Variants in LRP8 observed in about 807,000 individuals in gnomAD.
LRP8 encodes the protein low-density lipoprotein receptor-related protein 8.
LRP8 carries 46 observed loss-of-function variants against 111.6 expected under a neutral mutation model. The ratio of observed to expected loss-of-function variants is 0.41; its 90% CI spans 0.33 to 0.53. LRP8 has a LOEUF of 0.53. Among genes scored for constraint, LRP8 ranks in the 20% least tolerant of loss-of-function variants. The probability of loss-of-function intolerance (pLI) is 0.20; values close to 1 mark genes in which losing one functional copy is unlikely to be tolerated. For synonymous variants in LRP8, 464 were observed against 511.2 expected, an observed-to-expected ratio of 0.91 and a Z score of 1.24; for missense variants, 959 against 1,297.4, an observed-to-expected ratio of 0.74 and a Z score of 4.01.
chr1:53,273,977 CA>C (rs1553181203), intron 6 of LRP8, among the ~76,000 whole-genome samples: 1 of 151,186 alleles, frequency 6.6e-6, no homozygotes, highest in African/African-American at 2.4e-5. Flanking sequence ...AAACAAAAAA[CA>C]AAAAAAAACT....
Position 53,294,233 on chromosome 1 carries a change from C to G in LRP8, c.245-4544G>C, listed in dbSNP as rs1000692929. On this transcript the variant is annotated intron_variant, in intron 2 of 18. Coordinates refer to ENST00000306052, the MANE Select transcript of LRP8 (RefSeq NM_004631.5). This position sits in a 1 kb window ranked among gnomAD's most constrained non-coding sequence, Gnocchi z 4.1. ...CAGCCCAGGAGTGATACATAGTCAA[C>G]CAGGGTCTGCGACATCATAATCTGG... Among the ~76,000 whole-genome samples the G allele has an allele frequency of 2.6e-5, 4 of 152,186 alleles. No homozygotes were observed. Among genetic ancestry groups the G allele is most frequent in the Non-Finnish European group, 5.9e-5 (4 of 68,040 alleles).
intron 14 of LRP8, 56 bp downstream of exon 14, chr1:53,258,263 C>A: frequency 6.5e-7 from 1 of 1,536,756 alleles, no homozygotes; most frequent in South Asian, 1.2e-5. Context: ...GGGAAGATTT[C>A]AGCAGGGTAG....
In LRP8 at chr1:53,276,823, C is replaced by A; in HGVS notation, c.752G>T (p.Gly251Val). 1 of 1,266,040 alleles carries A rather than the reference C, an allele frequency of 7.9e-7. No homozygotes were observed. Among genetic ancestry groups the A allele is most frequent in the Non-Finnish European group, 1.0e-6 (1 of 1,003,210 alleles). The allele number at this position is 1,266,040 out of a possible 1,614,324, so 78.4% of individuals were successfully genotyped here. ...GCAGGCGGCGGGCGCGGACGTGGCC[C>A]CGGGGCCCGGACGGCCGCAGAGCTC... is the stretch of plus-strand genomic sequence containing the variant. ...AAELCGRPGP[G>V]ATSAPAACAT... Residue 251 changes from glycine to valine, a missense_variant, in exon 5 of 19, where the codon GGG (glycine) becomes GTG (valine). Around this residue, in one of 3 missense-constraint regions of LRP8, gnomAD observed 819 missense variants for 1,097.6 expected, o/e 0.75. Coordinates refer to ENST00000306052, the MANE Select transcript of LRP8 (RefSeq NM_004631.5).
chr1:53,300,335 A>T (rs1449110032), intron 2 of LRP8, among the ~76,000 whole-genome samples: 2 of 152,180 alleles, frequency 1.3e-5, no homozygotes, highest in Non-Finnish European at 2.9e-5. Context: ...TCAGCTGTTC[A>T]TGGTGTCTGA....
chr1:53,318,487 C>A (rs17108323), intron 2 of LRP8, among the ~76,000 whole-genome samples: 25 of 152,128 alleles, frequency 1.6e-4, no homozygotes, highest in Non-Finnish European at 2.4e-4. Flanking sequence ...GAGAGCAGAA[C>A]GGCAATGATG....
At chr1:53,292,465 C>A (rs903951978) in intron 2 of LRP8, among the ~76,000 whole-genome samples, 2 of 152,102 alleles carry the variant, frequency 1.3e-5, no homozygotes, top group African/African-American at 4.8e-5. Context: ...GAGAGGTCAT[C>A]GTCAATGATA....
chr1:53,246,063 G>C lies in LRP8; in HGVS notation c.*955C>G, dbSNP rs5177. 0.32 allele frequency: 48,292 copies of C among 152,030 alleles called. 9,149 individuals are homozygous for C. Among genetic ancestry groups the C allele is most frequent in the East Asian group, 0.49 (2,519 of 5,162 alleles). The allele number at this position is 152,030 out of a possible 1,614,324, so 9.4% of individuals were successfully genotyped here. ...GAGGGTGAGGCATATCCTATCTTGA[G>C]TTTCTGAGCACTCTGGTACCATGGA... On this transcript the variant is annotated 3_prime_UTR_variant, in exon 19 of 19. Coordinates refer to ENST00000306052, the MANE Select transcript of LRP8 (RefSeq NM_004631.5).
intron 2 of LRP8, among the ~76,000 whole-genome samples, chr1:53,308,299 A>G (rs980362040): frequency 6.6e-6 from 1 of 152,240 alleles, no homozygotes; most frequent in African/African-American, 2.4e-5. Flanking sequence ...GACAGTGCTC[A>G]CCGCATCTCC....
chr1:53,276,935 C>G lies in LRP8; in HGVS notation c.640G>C (p.Gly214Arg). Reference sequence around the variant, plus strand: ...ATGCAGGCGCCGCCGCCATCGCCGCCGCAGCGGAACTCGCGGGGCCCGCAG... The same window carrying G: ...ATGCAGGCGCCGCCGCCATCGCCGCGGCAGCGGAACTCGCGGGGCCCGCAG... The part of the protein sequence containing the change: ...PACGPREFRC[G>R]GDGGGACIPE... Residue 214 changes from glycine to arginine, a missense_variant, in exon 5 of 19, where the codon GGC becomes CGC. By Grantham distance (125) the Gly-to-Arg change is moderately radical. Around this residue, in one of 3 missense-constraint regions of LRP8, gnomAD observed 819 missense variants for 1,097.6 expected, o/e 0.75. Transcript: ENST00000306052. 6.9e-7 allele frequency: 1 copy of G among 1,454,976 alleles called. No homozygotes were observed. Among genetic ancestry groups the G allele is most frequent in the Non-Finnish European group, 9.0e-7 (1 of 1,106,736 alleles). The allele number at this position is 1,454,976 out of a possible 1,614,324, so 90.1% of individuals were successfully genotyped here. A position where few individuals can be genotyped will look rare whatever the true frequency, so the allele number is the denominator to read the frequency against.
rs994115484 is a variant in LRP8 at position 53,244,608 on chromosome 1, T to G, written c.*2410A>C. The stretch of plus-strand genomic sequence containing the variant: ...GCAGTTGTAGCATATGCAGGAAACA[T>G]GAATGTCTCTGAGAAAAAGTTGTGA... On this transcript the variant is annotated 3_prime_UTR_variant, in exon 19 of 19. Coordinates refer to ENST00000306052, the MANE Select transcript of LRP8 (RefSeq NM_004631.5). The G allele has an allele frequency of 6.6e-6, 1 of 152,358 alleles. No individual in the cohort carries two copies. The highest frequency in any genetic ancestry group is 2.4e-5 in the African/African-American group (1 of 41,588). 9.4% of individuals were successfully genotyped at this position (152,358 alleles called of 1,614,324 possible).
rs1318885004 is a variant in LRP8 at position 53,257,581 on chromosome 1, G to T, written c.2210-117C>A. 4 of 742,988 alleles carry T rather than the reference G, an allele frequency of 5.4e-6. No homozygotes were observed. In the East Asian group the frequency reaches 1.1e-4, roughly 20 times the overall value. 46.0% of individuals were successfully genotyped at this position (742,988 alleles called of 1,614,324 possible). A position where few individuals can be genotyped will look rare whatever the true frequency, so the allele number is the denominator to read the frequency against. On this transcript the variant is annotated intron_variant, in intron 14 of 18. Transcript: ENST00000306052. ...GGCGTAGCTCAAATGCCACTTCTGT[G>T]AAGCCTTTCCTAATCTCCCCAGTGG...
Position 53,250,982 on chromosome 1 carries a change from G to T in LRP8, c.2504-120C>A. The T allele has an allele frequency of 2.6e-6, 2 of 781,972 alleles. No homozygotes were observed. The highest frequency in any genetic ancestry group is 4.2e-6 in the Non-Finnish European group (2 of 473,050). 48.4% of individuals were successfully genotyped at this position (781,972 alleles called of 1,614,324 possible). A position where few individuals can be genotyped will look rare whatever the true frequency, so the allele number is the denominator to read the frequency against. On this transcript the variant is annotated intron_variant, in intron 16 of 18. Coordinates refer to ENST00000306052, the MANE Select transcript of LRP8 (RefSeq NM_004631.5). The surrounding 1 kb of genome is among the most constrained non-coding windows in gnomAD (Gnocchi z 4.6). Reference sequence around the variant, plus strand: ...CCTTTGCTCCTCAGGCTCTGTTTCTGCATGTTCTTTTACTGCTGTTTGAAA... The same window carrying T: ...CCTTTGCTCCTCAGGCTCTGTTTCTTCATGTTCTTTTACTGCTGTTTGAAA...
intron 15 of LRP8, among the ~76,000 whole-genome samples, chr1:53,256,192 G>C (rs10749689): frequency 0.37 from 56,630 of 152,140 alleles, 11,680 homozygotes; most frequent in East Asian, 0.76. Context: ...CAGGTGAGAT[G>C]ACTGTCCCGG....
chr1:53,259,507 A>G (rs1646245557), intron 13 of LRP8, among the ~76,000 whole-genome samples: 1 of 152,070 alleles, frequency 6.6e-6, no homozygotes, highest in Non-Finnish European at 1.5e-5. Flanking sequence ...AGAGGTGGGG[A>G]CGTTACATCC....
At chr1:53,254,152 T>C (rs1645991794) in intron 16 of LRP8, among the ~76,000 whole-genome samples, 1 of 152,068 alleles carries the variant, frequency 6.6e-6, no homozygotes, top group Non-Finnish European at 1.5e-5. Flanking sequence ...AATGCAAAGA[T>C]ACTGCTACGA....
In LRP8 at chr1:53,303,124, C is replaced by G. The variant is rs1237316019; in HGVS notation, c.245-13435G>C. Among the ~76,000 whole-genome samples the G allele has an allele frequency of 6.6e-6, 1 of 152,194 alleles. No homozygotes were observed. Among genetic ancestry groups the G allele is most frequent in the East Asian group, 1.9e-4 (1 of 5,196 alleles). ...CCACAAAAGCAGGTAGAGCTCTTGT[C>G]AATCATGCGGCTTATTTCTTACCAC... On this transcript the variant is annotated intron_variant, in intron 2 of 18. Transcript: ENST00000306052. This position sits in a 1 kb window ranked among gnomAD's most constrained non-coding sequence, Gnocchi z 4.3.
rs908764210 is a variant in LRP8, at chr1:53,249,096, G to T, written c.2853+284C>A. On this transcript the variant is annotated intron_variant, in intron 18 of 18. Transcript: ENST00000306052. The surrounding 1 kb of genome is among the most constrained non-coding windows in gnomAD (Gnocchi z 4.1). Reference sequence around the variant, plus strand: ...CTGGCCGAGGTTAAGGATCCTCAAGGCCATCTGCTAACCCTCCTCATTTGC... The same window carrying T: ...CTGGCCGAGGTTAAGGATCCTCAAGTCCATCTGCTAACCCTCCTCATTTGC... 1.3e-5 allele frequency among the ~76,000 whole-genome samples: 2 copies of T among 152,132 alleles called. No homozygotes were observed. Among genetic ancestry groups the T allele is most frequent in the Admixed American group, 6.5e-5 (1 of 15,272 alleles).
chr1:53,290,819 TG>T (rs904819395), intron 2 of LRP8, among the ~76,000 whole-genome samples: 82 of 152,198 alleles, frequency 5.4e-4, no homozygotes, highest in African/African-American at 1.8e-3. Context: ...TGAGGCTGCC[TG>T]GCTACCCCCA....
intron 1 of LRP8, chr1:53,327,248 A>G: frequency 2.0e-6 from 1 of 510,530 alleles, no homozygotes; most frequent in Non-Finnish European, 3.5e-6. Flanking sequence ...CTCCATTCAG[A>G]CGCACTCACC....
Sources: allele counts gnomAD v4.1 joint callset (sites outside exome capture counted in the v4.1 genomes callset), GRCh38; gene constraint gnomAD v4.1.1; regional missense constraint gnomAD v4.1.1; non-coding constraint Gnocchi (gnomAD v3.1); transcripts MANE v1.5; gene names NCBI Gene and HGNC (gene_info 2026-07-23, HGNC 2026-07-21).